PCDHGC3: variants seen among roughly 807,000 people sequenced by gnomAD.
PCDHGC3 encodes the protein protocadherin gamma subfamily C, 3, also known as protocadherin gamma-C3.
Under a neutral mutation model 59.2 loss-of-function variants are expected in PCDHGC3, and 26 were observed. That is an observed-to-expected ratio of 0.44 (90% CI 0.32 to 0.61). The LOEUF (loss-of-function observed/expected upper bound fraction) is 0.61, where lower values mean the gene tolerates loss of function less well. Ranked by LOEUF, PCDHGC3 falls within the 20% of genes least tolerant of loss-of-function variation. PCDHGC3 has a pLI of 0.05. For synonymous variants in PCDHGC3, 487 were observed against 519.7 expected (o/e 0.94, Z 0.86); for missense variants, 1,080 against 1,221.8 (o/e 0.88, Z 1.73).
intron 2 of PCDHGC3, among the ~76,000 whole-genome samples, chr5:141,502,358 TA>T (rs1283802909): frequency 6.6e-6 from 1 of 152,134 alleles, no homozygotes; most frequent in African/African-American, 2.4e-5. Context: ...ATGACATGGA[TA>T]TTTTTAAAGA....
At chr5:141,509,720 A>G (rs916316577) in intron 3 of PCDHGC3, among the ~76,000 whole-genome samples, 6 of 151,974 alleles carry the variant, frequency 3.9e-5, no homozygotes, top group Admixed American at 3.3e-4. Context: ...GTCTGATGTC[A>G]CCTAGCTGTG....
chr5:141,494,882 C>T lies in PCDHGC3; in HGVS notation c.2489+17C>T, dbSNP rs771484301. On this transcript the variant is annotated intron_variant, in intron 2 of 3. Transcript: ENST00000308177. ...CACCAGCGGGTAGGTGACTGATTCT[C>T]CAGCCCACCCTCTTCTCTGCGGCAT... is the stretch of plus-strand genomic sequence containing the variant. 35 of 1,614,128 alleles carry T rather than the reference C, an allele frequency of 2.2e-5. No homozygotes were observed. The highest frequency in any genetic ancestry group is 3.3e-4 in the Middle Eastern group (2 of 6,060).
rs776015544 is a variant in PCDHGC3, at chr5:141,485,125, G to C, written c.2430+6579G>C. The C allele has an allele frequency of 7.1e-7, 1 of 1,412,278 alleles. No homozygotes were observed. Among genetic ancestry groups the C allele is most frequent in the Admixed American group, 1.7e-5 (1 of 57,660 alleles). 87.5% of individuals were successfully genotyped at this position (1,412,278 alleles called of 1,614,324 possible). On this transcript the variant is annotated intron_variant, in intron 1 of 3. Transcript: ENST00000308177. The surrounding 1 kb of genome is among the most constrained non-coding windows in gnomAD (Gnocchi z 5.7). The stretch of plus-strand genomic sequence containing the variant: ...CTGCTGTGGCTGTTTGGGGCGGGTC[G>C]GCTTCATCCGCGTCTCAGGAGCAAG...
rs186292704 is a variant in PCDHGC3 at position 141,490,783 on chromosome 5, C to T, written c.2431-4024C>T. ...TGTGTATGTCAACCCAGAGGATGGA[C>T]GGATCTTTGCCCAGCGTACCTTTGA... On this transcript the variant is annotated intron_variant, in intron 1 of 3. Transcript: ENST00000308177. The surrounding 1 kb of genome is among the most constrained non-coding windows in gnomAD (Gnocchi z 5.4). The T allele has an allele frequency of 8.1e-6, 13 of 1,614,024 alleles. 1 individual carries two copies. Among genetic ancestry groups the T allele is most frequent in the Middle Eastern group, 3.3e-4 (2 of 6,062 alleles).
chr5:141,489,563 T>C lies in PCDHGC3; in HGVS notation c.2431-5244T>C, dbSNP rs2099689031. ...ACCAGCTGCCTGCTGCCAGTGCAGG[T>C]GGTGACTGAACACCCCCTGGAGCTA... On this transcript the variant is annotated intron_variant, in intron 1 of 3. Coordinates refer to ENST00000308177, the MANE Select transcript of PCDHGC3 (RefSeq NM_002588.4). The surrounding 1 kb of genome is among the most constrained non-coding windows in gnomAD (Gnocchi z 4.5). 13 of 1,614,006 alleles carry C rather than the reference T, an allele frequency of 8.1e-6. No homozygotes were observed. The highest frequency in any genetic ancestry group is 1.1e-5 in the Non-Finnish European group (13 of 1,179,976).
At position 141,498,660 on chromosome 5, in the gene PCDHGC3, G is replaced by A. The variant is rs969314533; in HGVS notation, c.2489+3795G>A. Among the ~76,000 whole-genome samples, 11 of 152,192 alleles carry A rather than the reference G, an allele frequency of 7.2e-5. No homozygotes were observed. In the East Asian group the frequency reaches 9.6e-4, roughly 13 times the overall value. ...GAAGGAAGAAGACCTGGCCAGGTGT[G>A]GTGGCTCACGCCTGTAATCCCAGCA... is the stretch of plus-strand genomic sequence containing the variant. On this transcript the variant is annotated intron_variant, in intron 2 of 3. Coordinates refer to ENST00000308177, the MANE Select transcript of PCDHGC3 (RefSeq NM_002588.4).
chr5:141,509,059 C>T (rs1313349089), intron 3 of PCDHGC3, among the ~76,000 whole-genome samples: 2 of 152,182 alleles, frequency 1.3e-5, no homozygotes, highest in Non-Finnish European at 2.9e-5. Flanking sequence ...CCAGAAAGCT[C>T]TCAGCTCCGG....
chr5:141,512,275 A>G lies in PCDHGC3; in HGVS notation c.*1102A>G, dbSNP rs368275103. 1 of 152,730 alleles carries G rather than the reference A, an allele frequency of 6.5e-6. No individual in the cohort carries two copies. The highest frequency in any genetic ancestry group is 2.1e-4 in the South Asian group (1 of 4,824). The allele number at this position is 152,730 out of a possible 1,614,324, so 9.5% of individuals were successfully genotyped here. ...GGGTGCTGGGTACTCCAGAGGTGCC[A>G]CTGGTGGAAGGGTCAGCGGAGCCCC... On this transcript the variant is annotated 3_prime_UTR_variant, in exon 4 of 4. Transcript: ENST00000308177.
Position 141,490,121 on chromosome 5 carries a change from G to A in PCDHGC3, c.2431-4686G>A. On this transcript the variant is annotated intron_variant, in intron 1 of 3. Coordinates refer to ENST00000308177, the MANE Select transcript of PCDHGC3 (RefSeq NM_002588.4). The surrounding 1 kb of genome is among the most constrained non-coding windows in gnomAD (Gnocchi z 5.4). Reference sequence around the variant, plus strand: ...TCTGAGGCAGTGCGGAACCTCTTTGGCCTAGACCCTAGCAGTGGGGCAATC... The same window carrying A: ...TCTGAGGCAGTGCGGAACCTCTTTGACCTAGACCCTAGCAGTGGGGCAATC... 1 of 1,614,256 alleles carries A rather than the reference G, an allele frequency of 6.2e-7. No individual in the cohort carries two copies. Among genetic ancestry groups the A allele is most frequent in the Non-Finnish European group, 8.5e-7 (1 of 1,180,052 alleles).
At position 141,485,120 on chromosome 5, in the gene PCDHGC3, G is replaced by A. The variant is rs2099607447; in HGVS notation, c.2430+6574G>A. On this transcript the variant is annotated intron_variant, in intron 1 of 3. Coordinates refer to ENST00000308177, the MANE Select transcript of PCDHGC3 (RefSeq NM_002588.4). The surrounding 1 kb of genome is among the most constrained non-coding windows in gnomAD (Gnocchi z 5.7). ...TCCAGCTGCTGTGGCTGTTTGGGGC[G>A]GGTCGGCTTCATCCGCGTCTCAGGA... The A allele has an allele frequency of 1.5e-6, 2 of 1,348,050 alleles. No homozygotes were observed. Among genetic ancestry groups the A allele is most frequent in the Non-Finnish European group, 2.1e-6 (2 of 952,710 alleles). 83.5% of individuals were successfully genotyped at this position (1,348,050 alleles called of 1,614,324 possible).
At chr5:141,483,104 A>G (rs2099577128) in intron 1 of PCDHGC3, among the ~76,000 whole-genome samples, 1 of 152,140 alleles carries the variant, frequency 6.6e-6, no homozygotes, top group African/African-American at 2.4e-5. Flanking sequence ...GTGTGCGTGT[A>G]AAACAGACAG....
intron 3 of PCDHGC3, among the ~76,000 whole-genome samples, chr5:141,507,582 T>G (rs1221383898): frequency 6.6e-6 from 1 of 152,264 alleles, no homozygotes; most frequent in Non-Finnish European, 1.5e-5. Flanking sequence ...AGATGCCAAG[T>G]TGGCCTCTTG....
At chr5:141,499,019 AGGAAGGAAGAAAAG>A (rs2099788655) in intron 2 of PCDHGC3, among the ~76,000 whole-genome samples, 1 of 150,840 alleles carries the variant, frequency 6.6e-6, no homozygotes, top group Non-Finnish European at 1.5e-5. Flanking sequence ...GAAGGAAGGA[AGGAAGGAAGAAAAG>A]AAAGAAAAAG....
chr5:141,497,218 GA>G (rs1172998466), intron 2 of PCDHGC3, among the ~76,000 whole-genome samples: 1 of 149,792 alleles, frequency 6.7e-6, no homozygotes, highest in Non-Finnish European at 1.5e-5. Flanking sequence ...ATGGGGGGGG[GA>G]AGATCAGAGA....
Position 141,487,632 on chromosome 5 carries a change from C to G in PCDHGC3, c.2431-7175C>G, listed in dbSNP as rs374506603. The G allele has an allele frequency of 6.2e-7, 1 of 1,614,186 alleles. No homozygotes were observed. Among genetic ancestry groups the G allele is most frequent in the East Asian group, 2.2e-5 (1 of 44,888 alleles). On this transcript the variant is annotated intron_variant, in intron 1 of 3. Coordinates refer to ENST00000308177, the MANE Select transcript of PCDHGC3 (RefSeq NM_002588.4). The surrounding 1 kb of genome is among the most constrained non-coding windows in gnomAD (Gnocchi z 5.0). ...GGGCTAGAGGTGAGACCTTTGCAGG[C>G]TCAACAAATGCTTGAGGGTTATTCT... is the stretch of plus-strand genomic sequence containing the variant.
In PCDHGC3 at chr5:141,511,125, A is replaced by T. The variant is rs755685600; in HGVS notation, c.2757A>T (p.Ala919=). Residue 919 remains alanine, a synonymous_variant, in exon 4 of 4, where the codon GCA becomes GCT. Transcript: ENST00000308177. ...GCAAGCGGGATGGCAAGGCCCCAGCAGGTGGCAATGGCAACAAGAAGAAGT... is the reference window on the plus strand; with the variant it reads ...GCAAGCGGGATGGCAAGGCCCCAGCTGGTGGCAATGGCAACAAGAAGAAGT... ...AAGKRDGKAP[A]GGNGNKKKSG... 2 of 1,614,216 alleles carry T rather than the reference A, an allele frequency of 1.2e-6. No individual in the cohort carries two copies. The highest frequency in any genetic ancestry group is 2.2e-5 in the South Asian group (2 of 91,092).
At position 141,479,006 on chromosome 5, in the gene PCDHGC3, T is replaced by C. The variant is rs148063283; in HGVS notation, c.2430+460T>C. On this transcript the variant is annotated intron_variant, in intron 1 of 3. Transcript: ENST00000308177. ...ACATTTGTATTAAAACTAATAGCTT[T>C]TTGATAATTTTCCTTTGTTTATACA... Among the ~76,000 whole-genome samples the C allele has an allele frequency of 1.2e-3, 179 of 152,340 alleles. 2 individuals are homozygous for C. The highest frequency in any genetic ancestry group is 0.011 in the Admixed American group (170 of 15,300).
intron 1 of PCDHGC3, among the ~76,000 whole-genome samples, chr5:141,492,103 T>G (rs1458656062): frequency 6.6e-6 from 1 of 152,134 alleles, no homozygotes; most frequent in Non-Finnish European, 1.5e-5. Flanking sequence ...GTCTGTAGAT[T>G]TCCTCTTCGA....
In PCDHGC3 at chr5:141,498,823, C is replaced by A. The variant is rs540865523; in HGVS notation, c.2489+3958C>A. ...TGGTGCACACCTGTAGTCCCAGCTA[C>A]TCAGGAGGCTGAGGCAGGGGAATCG... On this transcript the variant is annotated intron_variant, in intron 2 of 3. Coordinates refer to ENST00000308177, the MANE Select transcript of PCDHGC3 (RefSeq NM_002588.4). Among the ~76,000 whole-genome samples the A allele has an allele frequency of 9.2e-5, 14 of 152,166 alleles. No homozygotes were observed. The East Asian group carries it at 1.5e-3, about 17-fold the overall frequency.
Sources: allele counts gnomAD v4.1 joint callset (sites outside exome capture counted in the v4.1 genomes callset), GRCh38; gene constraint gnomAD v4.1.1; non-coding constraint Gnocchi (gnomAD v3.1); transcripts MANE v1.5; gene names NCBI Gene and HGNC (gene_info 2026-07-23, HGNC 2026-07-21).